Variants in SRD5A3 observed in about 807,000 individuals in gnomAD.
SRD5A3 encodes the protein polyprenal reductase.
A neutral mutation model predicts 34.3 loss-of-function variants in SRD5A3; 24 were observed. That is an observed-to-expected ratio of 0.70 (90% CI 0.51 to 0.99). The LOEUF is 0.99. Ranked by LOEUF, SRD5A3 falls within the 50% of genes least tolerant of loss-of-function variation. SRD5A3 has a pLI of 0.00. For synonymous variants in SRD5A3, 161 were observed against 167.3 expected, an observed-to-expected ratio of 0.96 and a Z score of 0.29; for missense variants, 350 against 388.2, an observed-to-expected ratio of 0.90 and a Z score of 0.83.
Position 55,370,396 on chromosome 4 carries a change from A to C in SRD5A3, c.*305A>C. The C allele has an allele frequency of 2.5e-6, 1 of 401,694 alleles. No homozygotes were observed. The highest frequency in any genetic ancestry group is 4.6e-6 in the Non-Finnish European group (1 of 218,326). The allele number at this position is 401,694 out of a possible 1,614,324, so 24.9% of individuals were successfully genotyped here. On this transcript the variant is annotated 3_prime_UTR_variant, in exon 5 of 5. Transcript: ENST00000264228. ...GACTTCTCCAAGCTGCTTCACAAGC[A>C]AACTAACCGAAAAACCGAAAATATA...
At chr4:55,360,163 T>C (rs1421489370) in intron 2 of SRD5A3, among the ~76,000 whole-genome samples, 4 of 149,220 alleles carry the variant, frequency 2.7e-5, no homozygotes, top group Non-Finnish European at 4.4e-5. Flanking sequence ...TGCAGTGAGC[T>C]GAGATCGGGC....
chr4:55,354,806 C>CTG (rs150871428), intron 1 of SRD5A3, among the ~76,000 whole-genome samples: 4,035 of 152,304 alleles, frequency 0.026, 49 homozygotes, highest in African/African-American at 0.031. Context: ...ATAAAATTTA[C>CTG]TGTGTGTGTG....
At chr4:55,358,266 A>G (rs1719542004) in intron 1 of SRD5A3, among the ~76,000 whole-genome samples, 2 of 152,256 alleles carry the variant, frequency 1.3e-5, no homozygotes, top group Admixed American at 1.3e-4. Context: ...ATGGTGGCTC[A>G]CACCTGTAAT....
chr4:55,370,025 A>G lies in SRD5A3; in HGVS notation c.891A>G (p.Gln297=). The part of the protein sequence containing the change: ...NQALSAFLSH[Q]FYKSKFVSYP... ...CCCTGTCTGCCTTTCTCAGCCACCA[A>G]TTCTACAAAAGCAAATTTGTCTCTT... is the stretch of plus-strand genomic sequence containing the variant. Residue 297 remains glutamine (Q), a synonymous_variant, in exon 5 of 5, where the codon CAA becomes CAG. Transcript: ENST00000264228. 6.2e-7 allele frequency: 1 copy of G among 1,614,180 alleles called. No homozygotes were observed. The highest frequency in any genetic ancestry group is 8.5e-7 in the Non-Finnish European group (1 of 1,180,030).
chr4:55,358,383 T>G (rs1391241030), intron 1 of SRD5A3, among the ~76,000 whole-genome samples: 3 of 151,734 alleles, frequency 2.0e-5, no homozygotes, highest in African/African-American at 7.3e-5. Context: ...GTTTAAGAAT[T>G]AGCCAGGCAT....
At chr4:55,350,343 C>G (rs1209547579) in intron 1 of SRD5A3, among the ~76,000 whole-genome samples, 5 of 152,174 alleles carry the variant, frequency 3.3e-5, no homozygotes, top group Admixed American at 3.3e-4. Flanking sequence ...GCACTCCAGC[C>G]TGGGTGACAA....
chr4:55,360,668 C>G (rs1719645560), intron 2 of SRD5A3, among the ~76,000 whole-genome samples: 1 of 149,480 alleles, frequency 6.7e-6, no homozygotes, highest in African/African-American at 2.5e-5. Context: ...TCCTCAGCAT[C>G]AGGATGAAGA....
At chr4:55,364,379 G>A (rs1181551886) in intron 3 of SRD5A3, 108 bp downstream of exon 3, 2 of 1,291,472 alleles carry the variant, frequency 1.5e-6, no homozygotes, top group African/African-American at 2.9e-5. Context: ...TAAGAGACAG[G>A]CCCAATGCAT....
rs146924452 is a variant in SRD5A3 at position 55,356,859 on chromosome 4, C to T, written c.222-2487C>T. ...TTACTACCTCACGTCACTCATCTGC[C>T]CAAATGGCTCCCCATTATAAAAGCT... On this transcript the variant is annotated intron_variant, in intron 1 of 4. Transcript: ENST00000264228. 3.7e-3 allele frequency among the ~76,000 whole-genome samples: 568 copies of T among 152,214 alleles called. 15 individuals are homozygous for T. The highest frequency in any genetic ancestry group is 3.4e-3 in the Middle Eastern group (1 of 294).
intron 4 of SRD5A3, 67 bp from the exon 5 acceptor site, chr4:55,369,765 G>T: frequency 1.9e-6 from 3 of 1,563,548 alleles, no homozygotes; most frequent in Admixed American, 1.8e-5. Flanking sequence ...AATGATTTGC[G>T]AGTGAAGTGG....
At chr4:55,347,102 G>T (rs1194700921) in intron 1 of SRD5A3, among the ~76,000 whole-genome samples, 2 of 152,338 alleles carry the variant, frequency 1.3e-5, no homozygotes, top group East Asian at 3.9e-4. Context: ...CTTGGCAGGT[G>T]CCCCTGGGGA....
At chr4:55,354,250 A>T (rs1235643826) in intron 1 of SRD5A3, among the ~76,000 whole-genome samples, 1 of 152,064 alleles carries the variant, frequency 6.6e-6, no homozygotes, top group Non-Finnish European at 1.5e-5. Context: ...GGGGTGTGCC[A>T]CCATACCTGG....
chr4:55,347,564 A>C (rs966714467), intron 1 of SRD5A3, among the ~76,000 whole-genome samples: 1 of 152,174 alleles, frequency 6.6e-6, no homozygotes, highest in East Asian at 1.9e-4. Flanking sequence ...GGCATTGGAG[A>C]CTGCAGTGGG....
intron 4 of SRD5A3, among the ~76,000 whole-genome samples, chr4:55,368,477 T>G (rs533850284): frequency 6.7e-6 from 1 of 149,166 alleles, no homozygotes; most frequent in African/African-American, 2.5e-5. Flanking sequence ...CAAGCTGTAG[T>G]GCAGTGGCAC....
At chr4:55,354,754 T>A (rs1719373808) in intron 1 of SRD5A3, among the ~76,000 whole-genome samples, 1 of 152,262 alleles carries the variant, frequency 6.6e-6, no homozygotes, top group Non-Finnish European at 1.5e-5. Context: ...CTTCCTCTTT[T>A]CTGCATTAGT....
At chr4:55,364,406 T>A in intron 3 of SRD5A3, 135 bp downstream of exon 3, 1 of 1,066,672 alleles carries the variant, frequency 9.4e-7, no homozygotes, top group Non-Finnish European at 1.4e-6. Context: ...TTTCAGGAGA[T>A]GAGACTCAAG....
rs985628342 is a variant in SRD5A3, at chr4:55,372,724, A to G, written c.*2633A>G. 6 of 152,128 alleles carry G rather than the reference A, an allele frequency of 3.9e-5. No homozygotes were observed. Among genetic ancestry groups the G allele is most frequent in the Non-Finnish European group, 8.8e-5 (6 of 68,022 alleles). The allele number at this position is 152,128 out of a possible 1,614,324, so 9.4% of individuals were successfully genotyped here. A position where few individuals can be genotyped will look rare whatever the true frequency, so the allele number is the denominator to read the frequency against. ...TAGCCTTAATCTTTCATTTTCTACT[A>G]CCATTAAGTCGGGGAAATGACATTG... On this transcript the variant is annotated 3_prime_UTR_variant, in exon 5 of 5. Coordinates refer to ENST00000264228, the MANE Select transcript of SRD5A3 (RefSeq NM_024592.5).
chr4:55,353,228 T>C (rs929931664), intron 1 of SRD5A3, among the ~76,000 whole-genome samples: 2 of 152,186 alleles, frequency 1.3e-5, no homozygotes, highest in Non-Finnish European at 2.9e-5. Flanking sequence ...GGAACTTTTC[T>C]GTCTAGCTAA....
chr4:55,366,303 T>C (rs1275839310), intron 3 of SRD5A3, among the ~76,000 whole-genome samples: 2 of 152,202 alleles, frequency 1.3e-5, no homozygotes, highest in African/African-American at 2.4e-5. Flanking sequence ...GTTGACTTGC[T>C]CTTGAAGCCT....
Sources: gnomAD v4.1 joint callset for allele counts (sites outside exome capture counted in the v4.1 genomes callset) on GRCh38, gnomAD v4.1.1 for gene constraint, MANE v1.5 for transcripts, NCBI Gene and HGNC (gene_info 2026-07-23, HGNC 2026-07-21) for gene names.